C12orf42: variants seen among roughly 807,000 people sequenced by gnomAD.
C12orf42 encodes uncharacterized protein C12orf42.
A neutral mutation model predicts 21.6 loss-of-function variants in C12orf42; 25 were observed. That is an observed-to-expected ratio of 1.16 (90% CI 0.84 to 1.62). The LOEUF (loss-of-function observed/expected upper bound fraction) is 1.62. Ranked by LOEUF, C12orf42 falls within the 40% of genes most tolerant of loss-of-function variation. The pLI, the probability that C12orf42 is intolerant of heterozygous loss-of-function variation, is 0.00. For missense variants in C12orf42, 483 were observed against 459.3 expected (o/e 1.05, Z -0.47); for synonymous variants, 174 against 175.0 (o/e 0.99, Z 0.05).
chr12:103,394,287 C>G (rs1189281334), intron 3 of C12orf42, among the ~76,000 whole-genome samples: 2 of 152,288 alleles, frequency 1.3e-5, no homozygotes, highest in East Asian at 3.9e-4. Flanking sequence ...TATAAAACAT[C>G]TCAAAATGCC....
At chr12:103,517,861 G>GA in the C12orf42 span, among the ~76,000 whole-genome samples, 1 of 151,984 alleles carries the variant, frequency 6.6e-6, no homozygotes, top group Non-Finnish European at 1.5e-5. Flanking sequence ...AGATTTGAAA[G>GA]AAAACCCACA....
the C12orf42 span, among the ~76,000 whole-genome samples, chr12:103,189,591 T>G: frequency 1.3e-5 from 2 of 152,176 alleles, no homozygotes; most frequent in Admixed American, 1.3e-4. Flanking sequence ...AGTGTAGGCC[T>G]GGGGTAGGCC....
At chr12:103,143,846 T>C in the C12orf42 span, among the ~76,000 whole-genome samples, 2 of 152,230 alleles carry the variant, frequency 1.3e-5, no homozygotes, top group African/African-American at 4.8e-5. Context: ...AGCTCTGCCA[T>C]TTACTATTTA....
chr12:103,519,899 G>A, the C12orf42 span, among the ~76,000 whole-genome samples: 3 of 152,150 alleles, frequency 2.0e-5, no homozygotes, highest in South Asian at 4.1e-4. Context: ...TGGTTGTGAG[G>A]GCTCATCCTG....
chr12:103,490,499 A>G (rs999428290), intron 1 of C12orf42, among the ~76,000 whole-genome samples: 3 of 151,926 alleles, frequency 2.0e-5, no homozygotes, highest in Non-Finnish European at 2.9e-5. Context: ...TTATTTATCC[A>G]TTGATTTTAT....
At position 103,311,655 on chromosome 12, in the gene C12orf42, C is replaced by A. The variant is rs943066192; in HGVS notation, c.260-5310G>T. 2.0e-5 allele frequency among the ~76,000 whole-genome samples: 3 copies of A among 152,152 alleles called. 1 individual carries two copies. The highest frequency in any genetic ancestry group is 1.3e-4 in the Admixed American group (2 of 15,276). Reference sequence around the variant, plus strand: ...TCTACCATTCTAGATAGTGACAGAACTTGAGCCAAAATCCATAGCCCATGA... The same window carrying A: ...TCTACCATTCTAGATAGTGACAGAAATTGAGCCAAAATCCATAGCCCATGA... On this transcript the variant is annotated intron_variant, in intron 4 of 5. Transcript: ENST00000548883.
the C12orf42 span, among the ~76,000 whole-genome samples, chr12:103,229,099 C>A: frequency 3.3e-5 from 5 of 152,302 alleles, no homozygotes; most frequent in African/African-American, 1.2e-4. Flanking sequence ...GTTCTCATCA[C>A]TTCAAGCAGA....
chr12:103,287,469 A>G (rs1256129298), intron 4 of C12orf42, among the ~76,000 whole-genome samples: 2 of 151,622 alleles, frequency 1.3e-5, no homozygotes, highest in East Asian at 1.9e-4. Context: ...AAAACCAAAC[A>G]CCGCATGTTC....
intron 4 of C12orf42, among the ~76,000 whole-genome samples, chr12:103,346,151 G>A (rs1375105268): frequency 1.3e-5 from 2 of 152,096 alleles, no homozygotes; most frequent in Non-Finnish European, 2.9e-5. Context: ...ACAACATAGA[G>A]GAAGCAGATT....
At chr12:103,336,578 C>T (rs2041718855) in intron 4 of C12orf42, among the ~76,000 whole-genome samples, 1 of 152,128 alleles carries the variant, frequency 6.6e-6, no homozygotes, top group Non-Finnish European at 1.5e-5. Context: ...TAGAATGTGG[C>T]TATTTTTGAG....
At chr12:103,180,290 T>C in the C12orf42 span, among the ~76,000 whole-genome samples, 1 of 151,984 alleles carries the variant, frequency 6.6e-6, no homozygotes, top group Non-Finnish European at 1.5e-5. Flanking sequence ...GGGAGAAAAT[T>C]AGGTGGCAAG....
chr12:103,501,590 C>T, the C12orf42 span, among the ~76,000 whole-genome samples: 1 of 152,184 alleles, frequency 6.6e-6, no homozygotes, highest in Non-Finnish European at 1.5e-5. Flanking sequence ...CTTCTTCCCA[C>T]CTGTTCTTGC....
chr12:103,507,190 T>TCTA, the C12orf42 span, among the ~76,000 whole-genome samples: 1 of 25,260 alleles, frequency 4.0e-5, no homozygotes, highest in Non-Finnish European at 5.3e-5. Flanking sequence ...ATATATAATA[T>TCTA]ATATATATTT....
intron 6 of C12orf42, among the ~76,000 whole-genome samples, chr12:103,269,322 G>T (rs2035325886): frequency 6.6e-6 from 1 of 152,248 alleles, no homozygotes; most frequent in African/African-American, 2.4e-5. Context: ...AAATGTGGCT[G>T]CAGCTTCATT....
intron 2 of C12orf42, among the ~76,000 whole-genome samples, chr12:103,430,063 C>A (rs547103974): frequency 2.7e-4 from 41 of 152,120 alleles, no homozygotes; most frequent in Non-Finnish European, 4.3e-4. Flanking sequence ...TAGGCATGGG[C>A]AAAGACCTCA....
At chr12:103,137,901 G>C in the C12orf42 span, among the ~76,000 whole-genome samples, 1 of 151,958 alleles carries the variant, frequency 6.6e-6, no homozygotes, top group Admixed American at 6.6e-5. Context: ...AAAGGAGGTT[G>C]GTTATGGGTA....
chr12:103,406,220 A>G (rs1783870276), intron 2 of C12orf42, among the ~76,000 whole-genome samples: 1 of 152,180 alleles, frequency 6.6e-6, no homozygotes, highest in Non-Finnish European at 1.5e-5. Context: ...TAAAATGCAG[A>G]TTCTAATTCA....
At chr12:103,121,546 T>C in the C12orf42 span, among the ~76,000 whole-genome samples, 3 of 152,224 alleles carry the variant, frequency 2.0e-5, no homozygotes, top group Non-Finnish European at 4.4e-5. Flanking sequence ...ATAGACAGCA[T>C]GCAGAGAAGA....
At chr12:103,398,230 C>A (rs2047695557) in intron 3 of C12orf42, among the ~76,000 whole-genome samples, 2 of 152,068 alleles carry the variant, frequency 1.3e-5, no homozygotes, top group Admixed American at 6.5e-5. Context: ...ATGAAATCAT[C>A]TTTCATTACA....
Sources: gnomAD v4.1 joint callset for allele counts (sites outside exome capture counted in the v4.1 genomes callset) on GRCh38, gnomAD v4.1.1 for gene constraint, MANE v1.5 for transcripts, NCBI Gene and HGNC (gene_info 2026-07-23, HGNC 2026-07-21) for gene names.